Variants in SCAPER observed in about 807,000 individuals in gnomAD.
The protein encoded by SCAPER is S-phase cyclin A associated protein in the ER.
In SCAPER, 98 loss-of-function variants were observed where a neutral mutation model predicts 182.2. The ratio of observed to expected loss-of-function variants is 0.54; its 90% CI spans 0.46 to 0.64. SCAPER has a LOEUF of 0.64. SCAPER is among the 30% of genes least tolerant of loss of function. The probability of loss-of-function intolerance (pLI) is 0.00; values close to 1 mark genes in which losing one functional copy is unlikely to be tolerated. For synonymous variants in SCAPER, 605 were observed against 564.6 expected (o/e 1.07, Z -1.01); for missense variants, 1,432 against 1,690.0 (o/e 0.85, Z 2.68).
chr15:76,849,741 G>A (rs1404109087), intron 4 of SCAPER, among the ~76,000 whole-genome samples: 3 of 152,162 alleles, frequency 2.0e-5, no homozygotes, highest in Admixed American at 1.3e-4. Context: ...CCAAAAATAC[G>A]CTGCTGTGTT....
intron 26 of SCAPER, among the ~76,000 whole-genome samples, chr15:76,424,754 C>A (rs377250523): frequency 1.2e-4 from 19 of 152,184 alleles, no homozygotes; most frequent in East Asian, 5.8e-4. Context: ...AGTGGCTGGT[C>A]CCGGTTGTTC....
Position 76,753,833 on chromosome 15 carries a change from T to C in SCAPER, c.1841A>G (p.Lys614Arg), listed in dbSNP as rs762084656. 7.4e-6 allele frequency: 12 copies of C among 1,612,830 alleles called. No homozygotes were observed. In the South Asian group the frequency reaches 1.1e-4, roughly 15 times the overall value. ...KREVQLQAIV[K>R]KAQEEEAKVN... Reference sequence around the variant, plus strand: ...CTTAGCTTCTTCTTCTTGTGCTTTTTTCACAATTGCTTGTAACTGCACTTC... The same window carrying C: ...CTTAGCTTCTTCTTCTTGTGCTTTTCTCACAATTGCTTGTAACTGCACTTC... The change falls in exon 15 of 32, where the codon AAA (lysine) becomes AGA (arginine). Residue 614 changes from lysine (K) to arginine (R), a missense_variant. Transcript: ENST00000563290.
chr15:76,618,993 C>T (rs1477048787), intron 22 of SCAPER, among the ~76,000 whole-genome samples: 3 of 152,126 alleles, frequency 2.0e-5, no homozygotes, highest in Non-Finnish European at 4.4e-5. Context: ...TACAGGTGCA[C>T]ACCACTATGC....
intron 1 of SCAPER, among the ~76,000 whole-genome samples, chr15:76,888,538 T>C (rs912037764): frequency 6.6e-6 from 1 of 152,056 alleles, no homozygotes; most frequent in African/African-American, 2.4e-5. Flanking sequence ...TGCATAAGCC[T>C]CAGCAGCCGA....
rs1036398300 is a variant in SCAPER, at chr15:76,800,438, G to T, written c.495-74C>A. 5.4e-6 allele frequency: 5 copies of T among 927,908 alleles called. No homozygotes were observed. The Admixed American group carries it at 7.1e-5, about 13-fold the overall frequency. The allele number at this position is 927,908 out of a possible 1,614,324, so 57.5% of individuals were successfully genotyped here. On this transcript the variant is annotated intron_variant, in intron 6 of 31. Coordinates refer to ENST00000563290, the MANE Select transcript of SCAPER (RefSeq NM_020843.4). The stretch of plus-strand genomic sequence containing the variant: ...AAACAAATAATCTTTTCTCTTGGTT[G>T]TTAGTGGCTGAAAAAATAATCCTAC...
At chr15:76,666,266 T>C (rs890032344) in intron 20 of SCAPER, among the ~76,000 whole-genome samples, 1 of 152,100 alleles carries the variant, frequency 6.6e-6, no homozygotes, top group Admixed American at 6.5e-5. Flanking sequence ...TAGGTAAGTA[T>C]ATTTGGCCTG....
intron 23 of SCAPER, among the ~76,000 whole-genome samples, chr15:76,507,621 A>C (rs1378588945): frequency 6.6e-6 from 1 of 152,170 alleles, no homozygotes; most frequent in South Asian, 2.1e-4. Context: ...CGTATCAATT[A>C]TTGTCTCCAG....
At chr15:76,361,946 TA>T (rs1481022070) in intron 29 of SCAPER, among the ~76,000 whole-genome samples, 1 of 152,050 alleles carries the variant, frequency 6.6e-6, no homozygotes. Flanking sequence ...CATAATATTG[TA>T]AAAGGGACTG....
chr15:76,844,602 T>C (rs1243561780), intron 4 of SCAPER, among the ~76,000 whole-genome samples: 2 of 152,060 alleles, frequency 1.3e-5, no homozygotes, highest in Non-Finnish European at 2.9e-5. Context: ...TGCTAATAAA[T>C]TGGAAAATCT....
intron 29 of SCAPER, among the ~76,000 whole-genome samples, chr15:76,357,189 C>CACACACACAG (rs1555410451): frequency 6.8e-6 from 1 of 146,376 alleles, no homozygotes; most frequent in Admixed American, 6.9e-5. Flanking sequence ...CACACACACA[C>CACACACACAG]CCCTATGGCC....
intron 23 of SCAPER, among the ~76,000 whole-genome samples, chr15:76,513,729 T>A (rs2042219467): frequency 6.6e-6 from 1 of 152,200 alleles, no homozygotes; most frequent in Non-Finnish European, 1.5e-5. Flanking sequence ...CACCATTTCA[T>A]ACTTGTCCCT....
chr15:76,888,220 G>A (rs1294867647), intron 1 of SCAPER, among the ~76,000 whole-genome samples: 2 of 152,230 alleles, frequency 1.3e-5, no homozygotes, highest in Non-Finnish European at 2.9e-5. Flanking sequence ...CAAAGATGGG[G>A]AGAAACCAGA....
chr15:76,884,000 A>G, intron 1 of SCAPER, 124 bp from the exon 2 acceptor site: 1 of 545,280 alleles, frequency 1.8e-6, no homozygotes, highest in South Asian at 2.7e-5. Context: ...CTGCTCCTTT[A>G]TATTACCTGT....
At chr15:76,480,314 T>C (rs988274240) in intron 24 of SCAPER, among the ~76,000 whole-genome samples, 6 of 152,226 alleles carry the variant, frequency 3.9e-5, no homozygotes, top group African/African-American at 1.4e-4. Context: ...AAGCTCCAAA[T>C]TAGTTTCTTT....
chr15:76,862,598 T>C, intron 2 of SCAPER, 65 bp from the exon 3 acceptor site: 1 of 1,000,002 alleles, frequency 1.0e-6, no homozygotes, highest in Non-Finnish European at 1.4e-6. Context: ...TTTAACAAAG[T>C]CATTATTTCT....
Position 76,348,126 on chromosome 15 carries a change from A to G in SCAPER, c.*507T>C, listed in dbSNP as rs1012960064. Reference sequence around the variant, plus strand: ...ATTTCAAATAGCCCCCAAACATATTATGTAGTCAGAATGCAAAAGTGTTGC... The same window carrying G: ...ATTTCAAATAGCCCCCAAACATATTGTGTAGTCAGAATGCAAAAGTGTTGC... On this transcript the variant is annotated 3_prime_UTR_variant, in exon 32 of 32. Coordinates refer to ENST00000563290, the MANE Select transcript of SCAPER (RefSeq NM_020843.4). The G allele has an allele frequency of 5.3e-5, 8 of 152,356 alleles. No homozygotes were observed. The highest frequency in any genetic ancestry group is 1.2e-4 in the Non-Finnish European group (8 of 68,132). The allele number at this position is 152,356 out of a possible 1,614,324, so 9.4% of individuals were successfully genotyped here.
At chr15:76,692,048 T>A (rs942790655) in intron 20 of SCAPER, among the ~76,000 whole-genome samples, 1 of 152,174 alleles carries the variant, frequency 6.6e-6, no homozygotes, top group Non-Finnish European at 1.5e-5. Context: ...TCACTTTCCA[T>A]AGTAAAAGGC....
intron 8 of SCAPER, among the ~76,000 whole-genome samples, chr15:76,784,672 C>A (rs1213869035): frequency 6.6e-6 from 1 of 152,072 alleles, no homozygotes. Context: ...AGCATGGTAC[C>A]AGTACCAAAA....
intron 5 of SCAPER, among the ~76,000 whole-genome samples, chr15:76,808,383 A>G (rs1183536448): frequency 1.3e-5 from 2 of 152,144 alleles, no homozygotes; most frequent in Admixed American, 6.6e-5. Flanking sequence ...TTACATGTAC[A>G]TGGCATGCCC....
Sources: allele counts gnomAD v4.1 joint callset (sites outside exome capture counted in the v4.1 genomes callset), GRCh38; gene constraint gnomAD v4.1.1; transcripts MANE v1.5; gene names NCBI Gene and HGNC (gene_info 2026-07-23, HGNC 2026-07-21).